Variants in PRKCA observed in about 807,000 individuals in gnomAD.
PRKCA encodes protein kinase C alpha, also known as protein kinase C alpha type.
Under a neutral mutation model 87.0 loss-of-function variants are expected in PRKCA, and 27 were observed. That is an observed-to-expected ratio of 0.31 (90% CI 0.23 to 0.43). The LOEUF is 0.43. Ranked by LOEUF, PRKCA falls within the 20% of genes least tolerant of loss-of-function variation. PRKCA has a pLI of 1.00. For missense variants in PRKCA, 518 were observed against 852.3 expected (o/e 0.61, Z 4.88); for synonymous variants, 329 against 311.1 (o/e 1.06, Z -0.61).
chr17:66,765,506 ATGTCTTTATATT>A (rs1303023018), intron 13 of PRKCA, among the ~76,000 whole-genome samples: 78 of 142,832 alleles, frequency 5.5e-4, no homozygotes, highest in African/African-American at 1.9e-3. Context: ...TTATATATAT[ATGTCTTTATATT>A]TGTCTTTATA....
chr17:66,437,719 C>T (rs1469328093), intron 2 of PRKCA, among the ~76,000 whole-genome samples: 1 of 134 alleles, frequency 7.5e-3, no homozygotes, highest in Non-Finnish European at 0.033. Context: ...TTTCAAGTTT[C>T]CTTTTTTTTT....
chr17:66,462,654 CCA>C (rs1431021000), intron 2 of PRKCA, among the ~76,000 whole-genome samples: 1 of 152,068 alleles, frequency 6.6e-6, no homozygotes, highest in African/African-American at 2.4e-5. Flanking sequence ...TTTTTGTAAG[CCA>C]TGATATAGGT....
At chr17:66,764,421 G>A (rs944772772) in intron 13 of PRKCA, among the ~76,000 whole-genome samples, 2 of 152,186 alleles carry the variant, frequency 1.3e-5, no homozygotes, top group African/African-American at 4.8e-5. Context: ...CCTTCCAGCT[G>A]CTGCAGGCCC....
At chr17:66,724,931 T>C (rs539832384) in intron 8 of PRKCA, among the ~76,000 whole-genome samples, 5 of 152,290 alleles carry the variant, frequency 3.3e-5, no homozygotes, top group African/African-American at 7.2e-5. Flanking sequence ...ATTAAAAAGC[T>C]CAGAGAAAGA....
chr17:66,687,977 C>T (rs1338264245), intron 6 of PRKCA, among the ~76,000 whole-genome samples: 1 of 152,152 alleles, frequency 6.6e-6, no homozygotes, highest in Non-Finnish European at 1.5e-5. Flanking sequence ...ATATTTTAGG[C>T]CTTGTGGGTC....
chr17:66,525,765 T>C (rs1412607768), intron 3 of PRKCA, among the ~76,000 whole-genome samples: 1 of 152,140 alleles, frequency 6.6e-6, no homozygotes, highest in Non-Finnish European at 1.5e-5. Flanking sequence ...GGGACCAAAG[T>C]GGAAAATAAA....
chr17:66,551,173 C>T (rs966875558), intron 3 of PRKCA, among the ~76,000 whole-genome samples: 2 of 152,178 alleles, frequency 1.3e-5, no homozygotes, highest in Non-Finnish European at 2.9e-5. Context: ...AGTGATCCTC[C>T]CACCTTAGCC....
chr17:66,430,936 G>T (rs769085535), intron 2 of PRKCA, among the ~76,000 whole-genome samples: 1 of 152,180 alleles, frequency 6.6e-6, no homozygotes, highest in Non-Finnish European at 1.5e-5. Flanking sequence ...TTACTGACTG[G>T]CAGAGGGCTT....
At chr17:66,798,186 T>G (rs1975713637) in intron 16 of PRKCA, among the ~76,000 whole-genome samples, 1 of 152,188 alleles carries the variant, frequency 6.6e-6, no homozygotes. Context: ...TTGCTTCTTC[T>G]TGCTCCCTGC....
intron 3 of PRKCA, among the ~76,000 whole-genome samples, chr17:66,608,847 C>T (rs548321364): frequency 1.3e-5 from 2 of 152,340 alleles, no homozygotes; most frequent in East Asian, 3.9e-4. Context: ...TCTCTCTGCT[C>T]TTTGCATGTA....
intron 2 of PRKCA, among the ~76,000 whole-genome samples, chr17:66,479,440 G>A (rs1915679974): frequency 6.6e-6 from 1 of 152,196 alleles, no homozygotes; most frequent in Non-Finnish European, 1.5e-5. Flanking sequence ...GTGCAAGACA[G>A]TATGGCCATT....
chr17:66,323,042 ACTTATC>A (rs1256258168), intron 2 of PRKCA, among the ~76,000 whole-genome samples: 1 of 152,108 alleles, frequency 6.6e-6, no homozygotes, highest in Non-Finnish European at 1.5e-5. Flanking sequence ...AAGTGATAAA[ACTTATC>A]CTTAGGCACT....
chr17:66,617,412 G>A (rs572234544), intron 3 of PRKCA, among the ~76,000 whole-genome samples: 37 of 152,240 alleles, frequency 2.4e-4, no homozygotes, highest in African/African-American at 8.7e-4. Flanking sequence ...CCAGCTTCGT[G>A]GATATCAAAG....
intron 2 of PRKCA, among the ~76,000 whole-genome samples, chr17:66,470,603 G>T (rs1250990722): frequency 2.6e-5 from 4 of 152,082 alleles, no homozygotes; most frequent in Non-Finnish European, 5.9e-5. Context: ...TTAGGGACCT[G>T]ATCTGTGCAG....
chr17:66,412,256 C>T (rs1486064815), intron 2 of PRKCA, among the ~76,000 whole-genome samples: 1 of 152,056 alleles, frequency 6.6e-6, no homozygotes, highest in Non-Finnish European at 1.5e-5. Flanking sequence ...AGTGTTTCTC[C>T]ATATTGGCCA....
At chr17:66,437,609 C>T (rs955706301) in intron 2 of PRKCA, among the ~76,000 whole-genome samples, 2 of 151,992 alleles carry the variant, frequency 1.3e-5, no homozygotes, top group African/African-American at 4.8e-5. Flanking sequence ...GACCTGCCTG[C>T]TTGCTTGGCA....
In PRKCA at chr17:66,803,433, CAG is replaced by C. The variant is rs1354347073; in HGVS notation, c.1855-438_1855-437del. Among the ~76,000 whole-genome samples the C allele has an allele frequency of 6.6e-6, 1 of 152,198 alleles. No individual in the cohort carries two copies. The highest frequency in any genetic ancestry group is 1.5e-5 in the Non-Finnish European group (1 of 68,038). On this transcript the variant is annotated intron_variant, in intron 16 of 16. Coordinates refer to ENST00000413366, the MANE Select transcript of PRKCA (RefSeq NM_002737.3). This position sits in a 1 kb window ranked among gnomAD's most constrained non-coding sequence, Gnocchi z 4.4. ...CACTACAAATATTGCGGCAAAAAAA[CAG>C]ATGTGGGGCAGTAACTCACCCCGTC...
chr17:66,656,897 A>C (rs1193523753), intron 5 of PRKCA, among the ~76,000 whole-genome samples: 1 of 152,198 alleles, frequency 6.6e-6, no homozygotes, highest in Non-Finnish European at 1.5e-5. Context: ...GTCCTTTTCA[A>C]CACCAAGCTG....
At chr17:66,622,056 A>AAG (rs1441887127) in intron 3 of PRKCA, among the ~76,000 whole-genome samples, 1 of 95,930 alleles carries the variant, frequency 1.0e-5, no homozygotes, top group African/African-American at 3.9e-5. Flanking sequence ...ACAACAACAA[A>AAG]CAGCTAGCCA....
Sources: gnomAD v4.1 joint callset for allele counts (sites outside exome capture counted in the v4.1 genomes callset) on GRCh38, gnomAD v4.1.1 for gene constraint, Gnocchi (gnomAD v3.1) non-coding constraint, MANE v1.5 for transcripts, NCBI Gene and HGNC (gene_info 2026-07-23, HGNC 2026-07-21) for gene names.